Variants in SRSF5 observed in about 807,000 individuals in gnomAD.
SRSF5 encodes the protein serine/arginine-rich splicing factor 5.
In SRSF5, 5 loss-of-function variants were observed where a neutral mutation model predicts 34.0. That is an observed-to-expected ratio of 0.15 (90% CI 0.08 to 0.31). The LOEUF (loss-of-function observed/expected upper bound fraction) is 0.31. Among genes scored for constraint, SRSF5 ranks in the 10% least tolerant of loss-of-function variants. SRSF5 has a pLI of 1.00. For missense variants in SRSF5, 223 were observed against 351.4 expected (o/e 0.63, Z 2.92); for synonymous variants, 164 against 117.7 (o/e 1.39, Z -2.55).
intron 5 of SRSF5, chr14:69,769,881 C>T: frequency 8.4e-7 from 1 of 1,193,834 alleles, no homozygotes; most frequent in Non-Finnish European, 1.0e-6. Context: ...CTGCATCCGC[C>T]AATAGTCCGC....
Position 69,768,645 on chromosome 14 carries a change from G to C in SRSF5, c.168G>C (p.Glu56Asp), listed in dbSNP as rs1208396253. 10 of 1,614,210 alleles carry C rather than the reference G, an allele frequency of 6.2e-6. No individual in the cohort carries two copies. Among genetic ancestry groups the C allele is most frequent in the Non-Finnish European group, 7.6e-6 (9 of 1,180,036 alleles). ...DPRDADDAVY[E>D]LDGKELCSER... The stretch of plus-strand genomic sequence containing the variant: ...GGGATGCAGATGATGCTGTGTATGA[G>C]CTTGATGGAAAAGAACTCTGTAGTG... The change falls in exon 3 of 8, where the codon GAG becomes GAC. Residue 56 changes from glutamate (E) to aspartate (D), a missense_variant. This residue lies in a region of SRSF5 where 27 missense variants were observed against 90.7 expected (regional missense o/e 0.30). Coordinates refer to ENST00000557154, the MANE Select transcript of SRSF5 (RefSeq NM_001320214.2).
At chr14:69,767,293 G>C in intron 1 of SRSF5, 38 bp downstream of exon 1, 1 of 414,384 alleles carries the variant, frequency 2.4e-6, no homozygotes, top group Non-Finnish European at 4.7e-6. Flanking sequence ...TTCTCGGATC[G>C]AGGCTTCTTC....
At chr14:69,770,224 A>G (rs1883037679) in intron 5 of SRSF5, 1 of 1,288,590 alleles carries the variant, frequency 7.8e-7, no homozygotes, top group East Asian at 3.5e-5. Context: ...ATAGACTAAT[A>G]CTACCTTAAT....
Position 69,771,561 on chromosome 14 carries a change from C to A in SRSF5, c.*100C>A. The A allele has an allele frequency of 2.8e-6, 3 of 1,087,710 alleles. No homozygotes were observed. The highest frequency in any genetic ancestry group is 3.8e-6 in the Non-Finnish European group (3 of 799,094). 67.4% of individuals were successfully genotyped at this position (1,087,710 alleles called of 1,614,324 possible). A position where few individuals can be genotyped will look rare whatever the true frequency, so the allele number is the denominator to read the frequency against. On this transcript the variant is annotated 3_prime_UTR_variant, in exon 8 of 8. Transcript: ENST00000557154. ...AAAATTCTGGTAAGTATGTGCTTTT[C>A]TGTGGGGGTGGGATTTGGAAGGGGG...
Position 69,767,173 on chromosome 14 carries a change from T to C in SRSF5, c.-102T>C, listed in dbSNP as rs1419142690. 2.8e-6 allele frequency: 1 copy of C among 351,300 alleles called. No homozygotes were observed. The highest frequency in any genetic ancestry group is 3.8e-5 in the Admixed American group (1 of 26,224). The allele number at this position is 351,300 out of a possible 1,614,324, so 21.8% of individuals were successfully genotyped here. A position where few individuals can be genotyped will look rare whatever the true frequency, so the allele number is the denominator to read the frequency against. ...TGTGGAGTGGCGTAGACGAGTTAAGTCCTGGTCTGCGTGGAGGTCGACGAC... is the reference window on the plus strand; with the variant it reads ...TGTGGAGTGGCGTAGACGAGTTAAGCCCTGGTCTGCGTGGAGGTCGACGAC... On this transcript the variant is annotated 5_prime_UTR_variant, in exon 1 of 8. Coordinates refer to ENST00000557154, the MANE Select transcript of SRSF5 (RefSeq NM_001320214.2).
chr14:69,769,800 C>T, intron 5 of SRSF5: 3 of 1,340,196 alleles, frequency 2.2e-6, no homozygotes, highest in Middle Eastern at 2.8e-4. Context: ...TTGAAAGATA[C>T]GAAATTAGGT....
chr14:69,768,522 T>A, intron 2 of SRSF5, 82 bp from the exon 3 acceptor site: 1 of 1,391,784 alleles, frequency 7.2e-7, no homozygotes, highest in Non-Finnish European at 1.0e-6. Flanking sequence ...CTTCCCATTC[T>A]GTCTCCTGAT....
chr14:69,771,127 C>G, intron 7 of SRSF5, 22 bp downstream of exon 7: 1 of 1,612,608 alleles, frequency 6.2e-7, no homozygotes, highest in Non-Finnish European at 8.5e-7. Context: ...TTTTTAAAGT[C>G]AAAAGTTGTA....
At chr14:69,769,767 A>G (rs1566627228) in intron 5 of SRSF5, 1 of 1,363,410 alleles carries the variant, frequency 7.3e-7, no homozygotes, top group Non-Finnish European at 9.4e-7. Context: ...ACGCTTCCGA[A>G]TAAGAGGTCC....
intron 1 of SRSF5, chr14:69,767,837 T>A (rs1035322157): frequency 4.6e-5 from 17 of 372,960 alleles, no homozygotes; most frequent in Non-Finnish European, 7.7e-5. Context: ...TCTCGGCCTT[T>A]CCTAACTGCG....
chr14:69,771,181 T>A lies in SRSF5; in HGVS notation c.552-13T>A. ...GAGTCTTATCTAGGCTGATTTCTTTTCATTTTTCATAGTAGGTCAAGAAGC... is the reference window on the plus strand; with the variant it reads ...GAGTCTTATCTAGGCTGATTTCTTTACATTTTTCATAGTAGGTCAAGAAGC... On this transcript the variant is annotated splice_polypyrimidine_tract_variant and intron_variant, in intron 7 of 7. Coordinates refer to ENST00000557154, the MANE Select transcript of SRSF5 (RefSeq NM_001320214.2). 3.7e-6 allele frequency: 6 copies of A among 1,613,900 alleles called. No individual in the cohort carries two copies. Among genetic ancestry groups the A allele is most frequent in the Non-Finnish European group, 3.4e-6 (4 of 1,179,844 alleles).
In SRSF5 at chr14:69,771,539, A is replaced by T; in HGVS notation, c.*78A>T. ...AATTCCCAAACCATACTTGCTAAAA[A>T]TTCTGGTAAGTATGTGCTTTTCTGT... On this transcript the variant is annotated 3_prime_UTR_variant, in exon 8 of 8. Coordinates refer to ENST00000557154, the MANE Select transcript of SRSF5 (RefSeq NM_001320214.2). 60 of 1,078,178 alleles carry T rather than the reference A, an allele frequency of 5.6e-5. No individual in the cohort carries two copies. Among genetic ancestry groups the T allele is most frequent in the Non-Finnish European group, 6.4e-5 (50 of 776,422 alleles). The allele number at this position is 1,078,178 out of a possible 1,614,324, so 66.8% of individuals were successfully genotyped here. A position where few individuals can be genotyped will look rare whatever the true frequency, so the allele number is the denominator to read the frequency against.
intron 3 of SRSF5, 44 bp from the exon 4 acceptor site, chr14:69,768,754 T>G: frequency 6.2e-7 from 1 of 1,611,942 alleles, no homozygotes; most frequent in Non-Finnish European, 8.5e-7. Context: ...AGTAGATTTA[T>G]GTAGCTTAAG....
chr14:69,771,250 G>A lies in SRSF5; in HGVS notation c.608G>A (p.Arg203Gln), dbSNP rs763081161. The A allele has an allele frequency of 6.2e-6, 10 of 1,614,084 alleles. No individual in the cohort carries two copies. Among genetic ancestry groups the A allele is most frequent in the East Asian group, 2.2e-5 (1 of 44,886 alleles). ...RTRSSSRSRS[R>Q]SRSRSRKSYS... ...AGAAGTTCCTCTAGGTCTCGTAGCC[G>A]ATCCCGTTCCCGTAGTCGCAAATCT... Residue 203 changes from arginine to glutamine, a missense_variant, in exon 8 of 8, where the codon CGA becomes CAA. Arg to Gln is a conservative substitution (Grantham distance 43, BLOSUM62 1). This residue lies in a region of SRSF5 where 115 missense variants were observed against 119.7 expected (regional missense o/e 0.96). Coordinates refer to ENST00000557154, the MANE Select transcript of SRSF5 (RefSeq NM_001320214.2).
intron 1 of SRSF5, chr14:69,767,883 G>A (rs1882719173): frequency 4.6e-6 from 2 of 439,098 alleles, no homozygotes; most frequent in Middle Eastern, 6.7e-4. Context: ...CGGAGAGTGT[G>A]CGGCTGCGCA....
At chr14:69,770,314 T>G (rs1883047748) in intron 5 of SRSF5, 153 bp from the exon 6 acceptor site, 1 of 1,420,586 alleles carries the variant, frequency 7.0e-7, no homozygotes, top group African/African-American at 1.5e-5. Context: ...CATAGATAAT[T>G]TTTGAATTCT....
intron 4 of SRSF5, 62 bp downstream of exon 4, chr14:69,768,958 G>A (rs1372043324): frequency 6.5e-7 from 1 of 1,540,548 alleles, no homozygotes; most frequent in Non-Finnish European, 9.0e-7. Flanking sequence ...TAAGATTCAG[G>A]AGTCATTAGC....
chr14:69,767,362 T>G (rs1328262654), intron 1 of SRSF5, 107 bp downstream of exon 1: 3 of 455,862 alleles, frequency 6.6e-6, no homozygotes, highest in Non-Finnish European at 1.3e-5. Context: ...TGGCGTCTAA[T>G]GAGCGCAGTT....
intron 1 of SRSF5, chr14:69,767,824 A>G: frequency 5.5e-6 from 2 of 362,626 alleles, no homozygotes; most frequent in South Asian, 2.1e-5. Context: ...CTCCGCCCGC[A>G]CTTCTCGGCC....
Sources: gnomAD v4.1 joint callset for allele counts on GRCh38, gnomAD v4.1.1 for gene constraint, gnomAD v4.1.1 regional missense constraint, MANE v1.5 for transcripts, NCBI Gene and HGNC (gene_info 2026-07-23, HGNC 2026-07-21) for gene names.